Variants in CTNNA2 observed in about 807,000 individuals in gnomAD.
CTNNA2 encodes the protein catenin alpha-2.
CTNNA2 carries 42 observed loss-of-function variants against 101.0 expected under a neutral mutation model. The ratio of observed to expected loss-of-function variants is 0.42; its 90% CI spans 0.32 to 0.54. The LOEUF (loss-of-function observed/expected upper bound fraction) is 0.54. CTNNA2 is among the 20% of genes least tolerant of loss of function. The pLI, the probability that CTNNA2 is intolerant of heterozygous loss-of-function variation, is 0.14. For synonymous variants in CTNNA2, 450 were observed against 456.4 expected, an observed-to-expected ratio of 0.99 and a Z score of 0.18; for missense variants, 871 against 1,223.1, an observed-to-expected ratio of 0.71 and a Z score of 4.29.
At chr2:79,268,636 C>T (rs1675019667) in intron 2 of CTNNA2, among the ~76,000 whole-genome samples, 2 of 152,162 alleles carry the variant, frequency 1.3e-5, no homozygotes, top group South Asian at 2.1e-4. Flanking sequence ...GAACAGAGGC[C>T]TCAACCTGTG....
At chr2:79,956,813 G>C (rs1030382773) in intron 7 of CTNNA2, among the ~76,000 whole-genome samples, 1 of 131,076 alleles carries the variant, frequency 7.6e-6, no homozygotes, top group African/African-American at 3.0e-5. Flanking sequence ...AGAATCTTGA[G>C]TAGTTTTCAT....
intron 4 of CTNNA2, among the ~76,000 whole-genome samples, chr2:79,394,169 A>G (rs1678205128): frequency 6.6e-6 from 1 of 152,212 alleles, no homozygotes; most frequent in African/African-American, 2.4e-5. Context: ...CTCTGGACAC[A>G]TTTTTTGTTT....
chr2:79,277,984 A>T (rs980278892), intron 2 of CTNNA2, among the ~76,000 whole-genome samples: 1 of 152,088 alleles, frequency 6.6e-6, no homozygotes, highest in Non-Finnish European at 1.5e-5. Flanking sequence ...TTATTTGTTT[A>T]AACCTCCGTA....
At chr2:79,295,856 C>CA (rs1464669736) in intron 2 of CTNNA2, among the ~76,000 whole-genome samples, 3 of 151,804 alleles carry the variant, frequency 2.0e-5, no homozygotes, top group Non-Finnish European at 4.4e-5. Context: ...TACTCTTTGC[C>CA]AAGTGTTTTC....
intron 2 of CTNNA2, among the ~76,000 whole-genome samples, chr2:79,726,420 C>T (rs1034156993): frequency 2.0e-5 from 3 of 152,176 alleles, no homozygotes; most frequent in African/African-American, 4.8e-5. Flanking sequence ...AGCGTTACCA[C>T]CTGAGCTCCG....
chr2:79,303,989 G>A (rs764793726), intron 2 of CTNNA2, among the ~76,000 whole-genome samples: 1 of 152,128 alleles, frequency 6.6e-6, no homozygotes, highest in Non-Finnish European at 1.5e-5. Flanking sequence ...ACAGCAAGCA[G>A]TCTGAGCTCA....
At chr2:79,953,941 A>G in intron 7 of CTNNA2, among the ~76,000 whole-genome samples, 1 of 152,204 alleles carries the variant, frequency 6.6e-6, no homozygotes, top group Non-Finnish European at 1.5e-5. Context: ...TTATGAAGTA[A>G]TAGAATATTG....
chr2:79,544,688 A>T (rs1333165020), intron 1 of CTNNA2, among the ~76,000 whole-genome samples: 1 of 152,156 alleles, frequency 6.6e-6, no homozygotes, highest in African/African-American at 2.4e-5. Context: ...TGATTTTTTC[A>T]TGAGACCCAA....
At chr2:80,523,654 T>C (rs190300933) in intron 9 of CTNNA2, among the ~76,000 whole-genome samples, 3 of 152,276 alleles carry the variant, frequency 2.0e-5, no homozygotes, top group Non-Finnish European at 2.9e-5. Flanking sequence ...AAGTGGTACA[T>C]GGACATGCAG....
intron 7 of CTNNA2, among the ~76,000 whole-genome samples, chr2:80,249,127 A>G (rs1671562289): frequency 6.6e-6 from 1 of 152,150 alleles, no homozygotes; most frequent in Admixed American, 6.5e-5. Context: ...GCATGCTTTT[A>G]TTTCTACAGA....
chr2:79,517,344 C>T (rs1248006098), intron 1 of CTNNA2, among the ~76,000 whole-genome samples: 1 of 152,134 alleles, frequency 6.6e-6, no homozygotes, highest in Non-Finnish European at 1.5e-5. Context: ...TTTTAATAGA[C>T]ACAATTCCAT....
rs140251033 is a variant in CTNNA2, at chr2:80,178,717, T to C, written c.1057-214494T>C. On this transcript the variant is annotated intron_variant, in intron 7 of 18. Coordinates refer to ENST00000402739, the MANE Select transcript of CTNNA2 (RefSeq NM_001282597.3). ...GAATGTGTTGCCTCCAAAATCCAAA[T>C]AGACCCACTTAGCATTGTGCCTTTT... 2.7e-4 allele frequency among the ~76,000 whole-genome samples: 41 copies of C among 152,278 alleles called. No individual in the cohort carries two copies. The East Asian group carries it at 7.6e-3, about 28-fold the overall frequency.
intron 7 of CTNNA2, among the ~76,000 whole-genome samples, chr2:80,335,057 T>TA (rs1490581147): frequency 6.6e-6 from 1 of 152,212 alleles, no homozygotes; most frequent in African/African-American, 2.4e-5. Flanking sequence ...TCAGATGGGT[T>TA]AATCAGGGAT....
intron 9 of CTNNA2, among the ~76,000 whole-genome samples, chr2:80,449,067 G>T (rs981804681): frequency 1.3e-5 from 2 of 152,086 alleles, no homozygotes; most frequent in Non-Finnish European, 2.9e-5. Flanking sequence ...TGAAATGTTT[G>T]ATTAGCTACC....
intron 13 of CTNNA2, among the ~76,000 whole-genome samples, chr2:80,575,929 A>G (rs755619177): frequency 3.3e-5 from 5 of 152,188 alleles, no homozygotes; most frequent in Non-Finnish European, 7.3e-5. Context: ...CAGTATGTAC[A>G]AATTGTTATT....
intron 9 of CTNNA2, among the ~76,000 whole-genome samples, chr2:80,541,902 T>A (rs1691592098): frequency 6.7e-6 from 1 of 149,990 alleles, no homozygotes; most frequent in Non-Finnish European, 1.5e-5. Context: ...TGTTTTTTAA[T>A]ATGGAAAATG....
chr2:80,212,872 T>G (rs1245514843), intron 7 of CTNNA2, among the ~76,000 whole-genome samples: 2 of 152,208 alleles, frequency 1.3e-5, no homozygotes, highest in Non-Finnish European at 2.9e-5. Flanking sequence ...AGGCTATTAA[T>G]TAGTGCCTCA....
At chr2:79,514,856 C>T (rs936939988) in intron 1 of CTNNA2, among the ~76,000 whole-genome samples, 2 of 152,156 alleles carry the variant, frequency 1.3e-5, no homozygotes, top group African/African-American at 2.4e-5. Flanking sequence ...TTTGAAGTTG[C>T]CAGTAAGACA....
intron 9 of CTNNA2, among the ~76,000 whole-genome samples, chr2:80,511,626 C>G (rs923980136): frequency 6.6e-6 from 1 of 152,094 alleles, no homozygotes; most frequent in Non-Finnish European, 1.5e-5. Flanking sequence ...CTAAAAATAT[C>G]TGAGTGAAAA....
Sources: allele counts gnomAD v4.1 joint callset (sites outside exome capture counted in the v4.1 genomes callset), GRCh38; gene constraint gnomAD v4.1.1; transcripts MANE v1.5; gene names NCBI Gene and HGNC (gene_info 2026-07-23, HGNC 2026-07-21).